Variants in PDE12 observed in about 807,000 individuals in gnomAD.
PDE12 encodes phosphodiesterase 12.
A neutral mutation model predicts 45.4 loss-of-function variants in PDE12; 26 were observed. The observed-to-expected ratio is 0.57, with a 90% CI of 0.42 to 0.79. The LOEUF (loss-of-function observed/expected upper bound fraction) is 0.79. Ranked by LOEUF, PDE12 falls within the 30% of genes least tolerant of loss-of-function variation. The pLI is 0.00. For missense variants in PDE12, 668 were observed against 790.0 expected, an observed-to-expected ratio of 0.85 and a Z score of 1.85; for synonymous variants, 283 against 323.9, an observed-to-expected ratio of 0.87 and a Z score of 1.36.
Position 57,556,327 on chromosome 3 carries a change from C to T in PDE12, c.-53C>T, listed in dbSNP as rs980290587. ...GCCTCGGCTCCTCAGCTCCACCTGACAGTAGGCCGCTGATCGGCCGCGGGT... is the reference window on the plus strand; with the variant it reads ...GCCTCGGCTCCTCAGCTCCACCTGATAGTAGGCCGCTGATCGGCCGCGGGT... On this transcript the variant is annotated 5_prime_UTR_variant, in exon 1 of 3. Transcript: ENST00000311180. The surrounding 1 kb of genome is among the most constrained non-coding windows in gnomAD (Gnocchi z 5.0). 6.7e-6 allele frequency: 10 copies of T among 1,496,014 alleles called. No individual in the cohort carries two copies. The highest frequency in any genetic ancestry group is 8.9e-6 in the Non-Finnish European group (10 of 1,120,138). The allele number at this position is 1,496,014 out of a possible 1,614,324, so 92.7% of individuals were successfully genotyped here. A position where few individuals can be genotyped will look rare whatever the true frequency, so the allele number is the denominator to read the frequency against.
the PDE12 span, among the ~76,000 whole-genome samples, chr3:57,608,457 G>C: frequency 1.1e-3 from 164 of 152,136 alleles, 2 homozygotes; most frequent in East Asian, 0.013. Context: ...TGGATAAAGA[G>C]TCAAGACCCA....
chr3:57,557,157 C>T lies in PDE12; in HGVS notation c.778C>T (p.His260Tyr). The part of the protein sequence containing the change: ...CTPGDGQRFG[H>Y]SRELESVCVV... Reference sequence around the variant, plus strand: ...CCCAGGCGATGGGCAGCGCTTTGGGCACAGCCGGGAGTTGGAAAGTGTGTG... The same window carrying T: ...CCCAGGCGATGGGCAGCGCTTTGGGTACAGCCGGGAGTTGGAAAGTGTGTG... The change falls in exon 1 of 3, where the codon CAC (histidine) becomes TAC (tyrosine). Residue 260 changes from histidine to tyrosine, a missense_variant. By Grantham distance (83) the His-to-Tyr change is moderately conservative. Coordinates refer to ENST00000311180, the MANE Select transcript of PDE12 (RefSeq NM_177966.7). 1.4e-5 allele frequency: 23 copies of T among 1,614,108 alleles called. No homozygotes were observed. The highest frequency in any genetic ancestry group is 1.9e-5 in the Non-Finnish European group (23 of 1,180,018).
At chr3:57,610,229 G>A in the PDE12 span, among the ~76,000 whole-genome samples, 1 of 152,030 alleles carries the variant, frequency 6.6e-6, no homozygotes, top group South Asian at 2.1e-4. Flanking sequence ...TTGATGGGAC[G>A]TATCTCAAAA....
rs777571624 is a variant in PDE12 at position 57,557,131 on chromosome 3, C to T, written c.752C>T (p.Thr251Ile). ...GGGCTAAGGCTCAAGCTTCACTGCA[C>T]CCCAGGCGATGGGCAGCGCTTTGGG... ...DIGLRLKLHC[T>I]PGDGQRFGHS... Residue 251 changes from threonine to isoleucine, a missense_variant, in exon 1 of 3, where the codon ACC becomes ATC. Physicochemically the swap from Thr to Ile is moderately conservative, Grantham distance 89 (BLOSUM62 -1). Coordinates refer to ENST00000311180, the MANE Select transcript of PDE12 (RefSeq NM_177966.7). 1 of 1,614,068 alleles carries T rather than the reference C, an allele frequency of 6.2e-7. No individual in the cohort carries two copies. The highest frequency in any genetic ancestry group is 1.7e-5 in the Admixed American group (1 of 60,006).
rs1438427600 is a variant in PDE12, at chr3:57,556,510, C to T, written c.131C>T (p.Pro44Leu). ...GAGCGCGCTGTAGTGCGCTGCGTAC[C>T]TTCGGAACCCAAGCTGAGCCTGTCA... ...AMERAVVRCV[P>L]SEPKLSLSFA... is the part of the protein sequence containing the mutation. The change falls in exon 1 of 3, where the codon CCT (proline) becomes CTT (leucine). Residue 44 changes from proline (P) to leucine (L), a missense_variant. Physicochemically the swap from Pro to Leu is moderately conservative, Grantham distance 98 (BLOSUM62 -3). Around this residue, in one of 3 missense-constraint regions of PDE12, gnomAD observed 580 missense variants for 662.9 expected, o/e 0.87. Coordinates refer to ENST00000311180, the MANE Select transcript of PDE12 (RefSeq NM_177966.7). This position sits in a 1 kb window ranked among gnomAD's most constrained non-coding sequence, Gnocchi z 5.0. 6.2e-7 allele frequency: 1 copy of T among 1,613,504 alleles called. No homozygotes were observed. Among genetic ancestry groups the T allele is most frequent in the Non-Finnish European group, 8.5e-7 (1 of 1,179,984 alleles).
chr3:57,617,109 T>A, the PDE12 span, among the ~76,000 whole-genome samples: 1 of 151,820 alleles, frequency 6.6e-6, no homozygotes, highest in Non-Finnish European at 1.5e-5. Context: ...GCAAAGATCA[T>A]AAAAAATATT....
chr3:57,593,259 G>A, the PDE12 span, among the ~76,000 whole-genome samples: 4 of 151,798 alleles, frequency 2.6e-5, no homozygotes, highest in Non-Finnish European at 4.4e-5. Context: ...ACAGAATAGT[G>A]GAATTACAGA....
chr3:57,585,635 T>C, the PDE12 span, among the ~76,000 whole-genome samples: 2 of 151,384 alleles, frequency 1.3e-5, no homozygotes, highest in African/African-American at 4.9e-5. Flanking sequence ...CCCTATCACA[T>C]TCATCTACAA....
At chr3:57,611,186 A>C in the PDE12 span, among the ~76,000 whole-genome samples, 31 of 152,330 alleles carry the variant, frequency 2.0e-4, 1 homozygote, top group East Asian at 5.4e-3. Context: ...CCATACGTAG[A>C]AAGCTGAAAC....
At chr3:57,598,913 A>T in the PDE12 span, among the ~76,000 whole-genome samples, 1 of 152,234 alleles carries the variant, frequency 6.6e-6, no homozygotes, top group South Asian at 2.1e-4. Context: ...AAGCTTGCTA[A>T]GTGACAAGAC....
At chr3:57,585,628 T>G in the PDE12 span, among the ~76,000 whole-genome samples, 10 of 151,718 alleles carry the variant, frequency 6.6e-5, no homozygotes, top group Non-Finnish European at 1.2e-4. Flanking sequence ...TAAAAGACCC[T>G]ATCACATTCA....
the PDE12 span, among the ~76,000 whole-genome samples, chr3:57,618,122 G>A: frequency 6.6e-6 from 1 of 152,060 alleles, no homozygotes; most frequent in Admixed American, 6.6e-5. Flanking sequence ...ATAAACACTG[G>A]AGATTCCAAA....
the PDE12 span, among the ~76,000 whole-genome samples, chr3:57,624,481 T>C: frequency 6.6e-6 from 1 of 151,796 alleles, no homozygotes; most frequent in African/African-American, 2.4e-5. Context: ...TTTTTAGAGA[T>C]GGGGTCTCAG....
chr3:57,557,443 C>G lies in PDE12; in HGVS notation c.1064C>G (p.Ala355Gly), dbSNP rs371687627. ...DVICLQEVDR[A>G]VFSDSLVPAL... The stretch of plus-strand genomic sequence containing the variant: ...ATCTGTTTGCAGGAGGTTGACCGCG[C>G]AGTGTTTTCTGACAGCTTGGTACCC... Residue 355 changes from alanine to glycine, a missense_variant, in exon 1 of 3, where the codon GCA becomes GGA. Ala to Gly is a moderately conservative substitution (Grantham distance 60, BLOSUM62 0). Coordinates refer to ENST00000311180, the MANE Select transcript of PDE12 (RefSeq NM_177966.7). 1.9e-6 allele frequency: 3 copies of G among 1,613,892 alleles called. No homozygotes were observed. In the African/African-American group the frequency reaches 4.0e-5, roughly 22 times the overall value.
chr3:57,571,244 T>A (rs1286130184), downstream of PDE12: 6 of 152,176 alleles, frequency 3.9e-5, no homozygotes, highest in African/African-American at 1.4e-4. Context: ...TTTATACAAT[T>A]AGTAACCTAC....
the PDE12 span, among the ~76,000 whole-genome samples, chr3:57,634,073 A>G: frequency 2.0e-5 from 3 of 152,158 alleles, no homozygotes; most frequent in African/African-American, 7.2e-5. Flanking sequence ...GTGTAGCTAC[A>G]GCCCCAAATT....
At chr3:57,636,057 CA>C in the PDE12 span, among the ~76,000 whole-genome samples, 1 of 152,130 alleles carries the variant, frequency 6.6e-6, no homozygotes, top group Non-Finnish European at 1.5e-5. Context: ...ATACATAAAA[CA>C]TACAAAATGT....
At chr3:57,584,274 T>A in the PDE12 span, 2 of 1,091,834 alleles carry the variant, frequency 1.8e-6, no homozygotes, top group Non-Finnish European at 2.7e-6. Flanking sequence ...GTTTTAAAAG[T>A]ACTTCTAAGA....
the PDE12 span, among the ~76,000 whole-genome samples, chr3:57,595,758 G>A: frequency 6.6e-6 from 1 of 152,098 alleles, no homozygotes; most frequent in Admixed American, 6.6e-5. Flanking sequence ...AGACCAGACT[G>A]GCCAACGTGG....
Sources: allele counts gnomAD v4.1 joint callset (sites outside exome capture counted in the v4.1 genomes callset), GRCh38; gene constraint gnomAD v4.1.1; regional missense constraint gnomAD v4.1.1; non-coding constraint Gnocchi (gnomAD v3.1); transcripts MANE v1.5; gene names NCBI Gene and HGNC (gene_info 2026-07-23, HGNC 2026-07-21).